PADI1: variants seen among roughly 807,000 people sequenced by gnomAD.
The protein encoded by PADI1 is peptidyl arginine deiminase 1.
Under a neutral mutation model 74.8 loss-of-function variants are expected in PADI1, and 65 were observed. That is an observed-to-expected ratio of 0.87 (90% CI 0.71 to 1.07). The LOEUF (loss-of-function observed/expected upper bound fraction) is 1.07. Among genes scored for constraint, PADI1 ranks in the 50% least tolerant of loss-of-function variants. The pLI, the probability that PADI1 is intolerant of heterozygous loss-of-function variation, is 0.00. For missense variants in PADI1, 943 were observed against 854.0 expected (o/e 1.10, Z -1.30); for synonymous variants, 371 against 336.2 (o/e 1.10, Z -1.13).
chr1:17,208,911 G>T (rs551362632), intron 1 of PADI1, among the ~76,000 whole-genome samples: 2 of 152,308 alleles, frequency 1.3e-5, no homozygotes, highest in South Asian at 4.2e-4. Flanking sequence ...GGCCGGCCTT[G>T]TAGGAGACAG....
At chr1:17,239,540 C>T (rs1318406130) in intron 13 of PADI1, 164 bp from the exon 14 acceptor site, 1 of 596,294 alleles carries the variant, frequency 1.7e-6, no homozygotes, top group Non-Finnish European at 3.1e-6. Flanking sequence ...GCAGCCATGG[C>T]TTGGTCCCTT....
intron 2 of PADI1, among the ~76,000 whole-genome samples, chr1:17,222,988 CGACAGGGAAAAGGCAGG>C (rs1185473475): frequency 1.6e-5 from 2 of 126,626 alleles, no homozygotes; most frequent in African/African-American, 6.9e-5. Flanking sequence ...CCTTTCTCCC[CGACAGGGAAAAGGCAGG>C]GATAAAGCAG....
chr1:17,230,258 G>A (rs1452887288), intron 9 of PADI1, 50 bp downstream of exon 9: 9 of 1,590,948 alleles, frequency 5.7e-6, no homozygotes, highest in South Asian at 3.5e-5. Context: ...TTGGGGAAAG[G>A]GAAGCCGCAC....
chr1:17,238,496 A>C (rs1569848142), intron 12 of PADI1, 120 bp from the exon 13 acceptor site: 1 of 445,310 alleles, frequency 2.2e-6, no homozygotes, highest in African/African-American at 2.0e-5. Flanking sequence ...GCTGGGGTGT[A>C]GACCGAGTGG....
Position 17,240,653 on chromosome 1 carries a change from C to T in PADI1, c.1651C>T (p.Arg551Cys), listed in dbSNP as rs760900748. ...LHAQKCIDWN[R>C]NVLKRELGLA... ...TCCCCAGAAATGCATTGACTGGAACCGTAATGTGCTGAAGCGGGAGCTGGG... is the reference window on the plus strand; with the variant it reads ...TCCCCAGAAATGCATTGACTGGAACTGTAATGTGCTGAAGCGGGAGCTGGG... The change falls in exon 15 of 16, where the codon CGT becomes TGT. Residue 551 changes from arginine (R) to cysteine (C), a missense_variant. Coordinates refer to ENST00000375471, the MANE Select transcript of PADI1 (RefSeq NM_013358.3). The T allele has an allele frequency of 7.4e-6, 12 of 1,614,050 alleles. No individual in the cohort carries two copies. Among genetic ancestry groups the T allele is most frequent in the Admixed American group, 3.3e-5 (2 of 60,016 alleles).
At chr1:17,213,125 C>G (rs909842319) in intron 1 of PADI1, among the ~76,000 whole-genome samples, 8 of 151,670 alleles carry the variant, frequency 5.3e-5, no homozygotes, top group Admixed American at 1.3e-4. Flanking sequence ...ATCTGGGTGA[C>G]CTGAGTAAAG....
At chr1:17,240,881 T>A in intron 15 of PADI1, 121 bp downstream of exon 15, 1 of 1,118,220 alleles carries the variant, frequency 8.9e-7, no homozygotes, top group Non-Finnish European at 1.3e-6. Context: ...CCAGTGTCTG[T>A]TTTTGTGAAT....
intron 1 of PADI1, among the ~76,000 whole-genome samples, chr1:17,207,562 A>G (rs918547253): frequency 6.6e-6 from 1 of 152,232 alleles, no homozygotes; most frequent in African/African-American, 2.4e-5. Context: ...TTTCTCCAGC[A>G]TCTGTCCTTT....
At chr1:17,224,246 C>A in intron 3 of PADI1, 121 bp from the exon 4 acceptor site, 1 of 807,062 alleles carries the variant, frequency 1.2e-6, no homozygotes, top group Non-Finnish European at 2.1e-6. Flanking sequence ...GTCTGACCCC[C>A]AGACAGGGCT....
chr1:17,213,750 A>T (rs1458924696), intron 1 of PADI1, among the ~76,000 whole-genome samples: 1 of 152,194 alleles, frequency 6.6e-6, no homozygotes, highest in Non-Finnish European at 1.5e-5. Flanking sequence ...CCCATGGAAC[A>T]TGCTGCCTTA....
chr1:17,218,817 G>A (rs1233866704), intron 1 of PADI1, among the ~76,000 whole-genome samples: 2 of 152,190 alleles, frequency 1.3e-5, no homozygotes, highest in African/African-American at 2.4e-5. Flanking sequence ...ATGTGCCCCA[G>A]GAGGGCTGGT....
intron 2 of PADI1, chr1:17,223,384 A>G: frequency 2.0e-6 from 1 of 512,664 alleles, no homozygotes; most frequent in Non-Finnish European, 3.5e-6. Flanking sequence ...CCTTTCCCCC[A>G]CCCTCCTTGC....
chr1:17,228,701 G>A lies in PADI1; in HGVS notation c.729G>A (p.Gly243=). 3.7e-6 allele frequency: 6 copies of A among 1,614,208 alleles called. No individual in the cohort carries two copies. The highest frequency in any genetic ancestry group is 5.1e-6 in the Non-Finnish European group (6 of 1,180,024). Residue 243 remains glycine (G), a synonymous_variant, in exon 7 of 16, where the codon GGG becomes GGA. Transcript: ENST00000375471. ...CLSYEVERQP[G]EQEIKFYVEG... is the part of the protein sequence containing the mutation. ...CCTATGAAGTTGAGCGACAGCCAGG[G>A]GAGCAGGAGATCAAGTTCTATGTGG... is the stretch of plus-strand genomic sequence containing the variant.
At chr1:17,222,595 A>T in intron 2 of PADI1, 125 bp downstream of exon 2, 1 of 737,542 alleles carries the variant, frequency 1.4e-6, no homozygotes, top group Non-Finnish European at 2.3e-6. Flanking sequence ...AGCTTATCAC[A>T]GTACATACAC....
Position 17,244,133 on chromosome 1 carries a change from A to T in PADI1, c.1882A>T (p.Ile628Phe). Residue 628 changes from isoleucine to phenylalanine, a missense_variant, in exon 16 of 16, where the codon ATC becomes TTC. Ile to Phe is a conservative substitution (Grantham distance 21, BLOSUM62 0). Coordinates refer to ENST00000375471, the MANE Select transcript of PADI1 (RefSeq NM_013358.3). The stretch of plus-strand genomic sequence containing the variant: ...GCTGGAGCCTCTGGGCCTGCACTGC[A>T]TCTTCATTGATGACTACTTGTCCTA... ...SLLEPLGLHC[I>F]FIDDYLSYHE... 1 of 1,614,180 alleles carries T rather than the reference A, an allele frequency of 6.2e-7. No homozygotes were observed. Among genetic ancestry groups the T allele is most frequent in the African/African-American group, 1.3e-5 (1 of 75,024 alleles).
chr1:17,213,051 A>G lies in PADI1; in HGVS notation c.92+7742A>G, dbSNP rs999859758. Among the ~76,000 whole-genome samples the G allele has an allele frequency of 5.3e-4, 80 of 152,338 alleles. 1 individual carries two copies. The highest frequency in any genetic ancestry group is 1.9e-3 in the African/African-American group (80 of 41,584). ...CGTCTCCTCCTTCCAGTCCCCGACAAGGGCATGCTCAGGGCACACACGCAC... is the reference window on the plus strand; with the variant it reads ...CGTCTCCTCCTTCCAGTCCCCGACAGGGGCATGCTCAGGGCACACACGCAC... On this transcript the variant is annotated intron_variant, in intron 1 of 15. Transcript: ENST00000375471.
intron 8 of PADI1, 22 bp from the exon 9 acceptor site, chr1:17,230,063 C>G (rs1337406791): frequency 6.2e-7 from 1 of 1,608,012 alleles, no homozygotes; most frequent in Admixed American, 1.7e-5. Context: ...TTAGCATGCT[C>G]CCCTCTCCCT....
At chr1:17,214,860 G>C (rs2071931934) in intron 1 of PADI1, among the ~76,000 whole-genome samples, 1 of 152,228 alleles carries the variant, frequency 6.6e-6, no homozygotes, top group Non-Finnish European at 1.5e-5. Context: ...AGGATGCCAA[G>C]GGAATGAGAA....
Position 17,239,128 on chromosome 1 carries a change from C to T in PADI1, c.1552+419C>T, listed in dbSNP as rs554163493. Among the ~76,000 whole-genome samples, 15 of 152,304 alleles carry T rather than the reference C, an allele frequency of 9.8e-5. No homozygotes were observed. In the South Asian group the frequency reaches 1.7e-3, roughly 17 times the overall value. On this transcript the variant is annotated intron_variant, in intron 13 of 15. Transcript: ENST00000375471. ...TGGTCAGGGCCCCTCTGCAGAGCTT[C>T]CTGCAGGAGCTAACAGACCCTCCAA...
Sources: allele counts gnomAD v4.1 joint callset (sites outside exome capture counted in the v4.1 genomes callset), GRCh38; gene constraint gnomAD v4.1.1; transcripts MANE v1.5; gene names NCBI Gene and HGNC (gene_info 2026-07-23, HGNC 2026-07-21).